Variants in PLXNA3 observed in about 807,000 individuals in gnomAD.
PLXNA3 encodes the protein plexin A3.
Under a neutral mutation model 118.8 loss-of-function variants are expected in PLXNA3, and 52 were observed. That is an observed-to-expected ratio of 0.44 (90% CI 0.35 to 0.55). PLXNA3 has a LOEUF of 0.55. PLXNA3 is among the 20% of genes least tolerant of loss of function. PLXNA3 has a pLI of 0.01. For synonymous variants in PLXNA3, 925 were observed against 762.4 expected, an observed-to-expected ratio of 1.21 and a Z score of -3.51; for missense variants, 1,660 against 1,730.8, an observed-to-expected ratio of 0.96 and a Z score of 0.73.
At position 154,463,995 on chromosome X, in the gene PLXNA3, G is replaced by C; in HGVS notation, c.1592G>C (p.Gly531Ala). 2 of 1,203,279 alleles carry C rather than the reference G, an allele frequency of 1.7e-6. No individual in the cohort carries two copies. The highest frequency in any genetic ancestry group is 2.2e-6 in the Non-Finnish European group (2 of 891,716). The change falls in exon 7 of 33, where the codon GGC (glycine) becomes GCC (alanine). Residue 531 changes from glycine to alanine, a missense_variant. By Grantham distance (60) the Gly-to-Ala change is moderately conservative. Around this residue, in one of 2 missense-constraint regions of PLXNA3, gnomAD observed 791 missense variants for 652.1 expected, o/e 1.21. Transcript: ENST00000369682. The part of the protein sequence containing the change: ...GACLGASAPH[G>A]FAEELSKCVQ... ...TGTCTGGGCGCCTCTGCCCCACACG[G>C]CTTTGCTGAGGAGCTGAGCAAGTGT... is the stretch of plus-strand genomic sequence containing the variant.
Position 154,461,190 on chromosome X carries a change from GCTTCGTCAGCGCCTC to G in PLXNA3, c.693_707del (p.Ser232_Val236del). 1.7e-6 allele frequency: 2 copies of G among 1,211,681 alleles called. No individual in the cohort carries two copies. The highest frequency in any genetic ancestry group is 2.2e-6 in the Non-Finnish European group (2 of 894,969). On this transcript the variant is annotated inframe_deletion, in exon 3 of 33. Coordinates refer to ENST00000369682, the MANE Select transcript of PLXNA3 (RefSeq NM_017514.5). ...GCCTTTGACATCTACTACATCTACG[GCTTCGTCAGCGCCTC>G]CTTCGTGTACTTCCTGACGCTGCAG...
At chrX:154,460,829 C>T (rs781910071) in intron 2 of PLXNA3, 52 bp downstream of exon 2, 9 of 887,148 alleles carry the variant, frequency 1.0e-5, no homozygotes, top group Non-Finnish European at 1.4e-5. Flanking sequence ...GCTCTGCCTC[C>T]CAGAAGAGCC....
intron 6 of PLXNA3, 37 bp from the exon 7 acceptor site, chrX:154,463,914 G>T: frequency 1.7e-6 from 2 of 1,151,495 alleles, no homozygotes; most frequent in Non-Finnish European, 2.3e-6. Context: ...CCCTCCCGGG[G>T]CAGTGGCGGG....
At position 154,460,765 on chromosome X, in the gene PLXNA3, C is replaced by G; in HGVS notation, c.582C>G (p.Asp194Glu). Residue 194 changes from aspartate (D) to glutamate (E), a missense_variant, in exon 2 of 33, where the codon GAC becomes GAG. Around this residue, in one of 2 missense-constraint regions of PLXNA3, gnomAD observed 791 missense variants for 652.1 expected, o/e 1.21. Transcript: ENST00000369682. Reference protein sequence around the residue: ...RKLISDEDSADMFSLVYQDEF... With the variant: ...RKLISDEDSAEMFSLVYQDEF... ...TCATCAGTGATGAAGACAGCGCGGA[C>G]ATGTTCAGTCTCGTGCGTGAGCCTT... 2 of 1,115,244 alleles carry G rather than the reference C, an allele frequency of 1.8e-6. No individual in the cohort carries two copies. Among genetic ancestry groups the G allele is most frequent in the Non-Finnish European group, 2.4e-6 (2 of 849,176 alleles). 91.9% of individuals were successfully genotyped at this position (1,115,244 alleles called of 1,213,427 possible).
rs1557205022 is a variant in PLXNA3 at position 154,462,274 on chromosome X, G to T, written c.1281G>T (p.Val427=). ...CCTACACCTACCGCCAGCACTCTGT[G>T]GTCTTCATTGGCACGCGCAGCGGCA... ...VAAYTYRQHS[V]VFIGTRSGSL... The change falls in exon 4 of 33, where the codon GTG becomes GTT. Residue 427 remains valine, a synonymous_variant. Transcript: ENST00000369682. The T allele has an allele frequency of 8.5e-7, 1 of 1,172,895 alleles. No homozygotes were observed. The highest frequency in any genetic ancestry group is 1.1e-6 in the Non-Finnish European group (1 of 874,931).
rs1603389744 is a variant in PLXNA3, at chrX:154,460,830, C to T, written c.594+53C>T. 9.0e-6 allele frequency: 8 copies of T among 890,272 alleles called. No individual in the cohort carries two copies. The East Asian group carries it at 2.2e-4, about 25-fold the overall frequency. The allele number at this position is 890,272 out of a possible 1,213,427, so 73.4% of individuals were successfully genotyped here. ...TCCACCCAGTCCTGGCTCTGCCTCC[C>T]AGAAGAGCCCTGTTCTTTCTGAGAG... is the stretch of plus-strand genomic sequence containing the variant. On this transcript the variant is annotated intron_variant, in intron 2 of 32. Coordinates refer to ENST00000369682, the MANE Select transcript of PLXNA3 (RefSeq NM_017514.5).
rs782609443 is a variant in PLXNA3 at position 154,465,217 on chromosome X, C to T, written c.2243C>T (p.Ser748Leu). 1.4e-5 allele frequency: 17 copies of T among 1,202,500 alleles called. No homozygotes were observed. The highest frequency in any genetic ancestry group is 3.0e-4 in the Middle Eastern group (1 of 3,338). ...NSSSVQCQNA[S>L]YSYEGDEHGD... ...AGCAGTGTGCAGTGCCAGAACGCCTCGGTGAGGTCCCACCCGCTGCCTCCC... is the reference window on the plus strand; with the variant it reads ...AGCAGTGTGCAGTGCCAGAACGCCTTGGTGAGGTCCCACCCGCTGCCTCCC... Residue 748 changes from serine (S) to leucine (L), a missense_variant and splice_region_variant, in exon 11 of 33, where the codon TCG (serine) becomes TTG (leucine). Physicochemically the swap from Ser to Leu is moderately radical, Grantham distance 145 (BLOSUM62 -2). Transcript: ENST00000369682.
chrX:154,466,143 G>A lies in PLXNA3; in HGVS notation c.2679-7G>A. 8.3e-7 allele frequency: 1 copy of A among 1,210,619 alleles called. No individual in the cohort carries two copies. The highest frequency in any genetic ancestry group is 1.8e-5 in the South Asian group (1 of 56,987). ...CCTGGCCGGCCCTGACGCTCTCTGA[G>A]CCCTAGGATCGTGTGTGAGATGGAG... On this transcript the variant is annotated splice_region_variant and splice_polypyrimidine_tract_variant and intron_variant, in intron 14 of 32. Coordinates refer to ENST00000369682, the MANE Select transcript of PLXNA3 (RefSeq NM_017514.5).
chrX:154,467,613 G>A lies in PLXNA3; in HGVS notation c.3510G>A (p.Gln1170=). Residue 1170 remains glutamine (Q), a synonymous_variant, in exon 20 of 33, where the codon CAG becomes CAA. Coordinates refer to ENST00000369682, the MANE Select transcript of PLXNA3 (RefSeq NM_017514.5). Reference sequence around the variant, plus strand: ...ACTACACTGTGCTGATAGGAGGCCAGCCGTGTTCGCTCACTGTCTCGGACA... The same window carrying A: ...ACTACACTGTGCTGATAGGAGGCCAACCGTGTTCGCTCACTGTCTCGGACA... The part of the protein sequence containing the change: ...RLNYTVLIGG[Q]PCSLTVSDTQ... 1 of 1,208,836 alleles carries A rather than the reference G, an allele frequency of 8.3e-7. No homozygotes were observed. Among genetic ancestry groups the A allele is most frequent in the Non-Finnish European group, 1.1e-6 (1 of 894,447 alleles).
At position 154,461,602 on chromosome X, in the gene PLXNA3, C is replaced by T. The variant is rs782760823; in HGVS notation, c.1098C>T (p.Pro366=). ...CYRGEGTLAL[P]WLLNKELPCI... ...GTGGGGAGGGCACTCTGGCTCTGCC[C>T]TGGCTGCTGAACAAGGAGCTGCCCT... Residue 366 remains proline, a synonymous_variant, in exon 3 of 33, where the codon CCC becomes CCT. Transcript: ENST00000369682. The T allele has an allele frequency of 1.8e-4, 214 of 1,200,235 alleles. 1 individual carries two copies. The Middle Eastern group carries it at 0.012, about 69-fold the overall frequency.
Position 154,472,766 on chromosome X carries a change from T to G in PLXNA3, c.*81T>G. Reference sequence around the variant, plus strand: ...GGGGAGTGGCTGGCTCAAGCCTGGGTCCCCGGGCTGAGCCCTGGATTGGGT... The same window carrying G: ...GGGGAGTGGCTGGCTCAAGCCTGGGGCCCCGGGCTGAGCCCTGGATTGGGT... On this transcript the variant is annotated 3_prime_UTR_variant, in exon 33 of 33. Transcript: ENST00000369682. 2.7e-6 allele frequency: 2 copies of G among 739,531 alleles called. No homozygotes were observed. Among genetic ancestry groups the G allele is most frequent in the Non-Finnish European group, 2.1e-6 (1 of 473,945 alleles). 60.9% of individuals were successfully genotyped at this position (739,531 alleles called of 1,213,427 possible). A position where few individuals can be genotyped will look rare whatever the true frequency, so the allele number is the denominator to read the frequency against.
rs782163370 is a variant in PLXNA3, at chrX:154,464,744, TC to T, written c.1929-3del. Reference sequence around the variant, plus strand: ...CTCCTCTGTTATTTCTGAAGCCACTTCCCCCCCAGGTGCATGTCCTGTGTTG... The same window carrying T: ...CTCCTCTGTTATTTCTGAAGCCACTTCCCCCCAGGTGCATGTCCTGTGTTG... On this transcript the variant is annotated splice_polypyrimidine_tract_variant and intron_variant, in intron 9 of 32. Coordinates refer to ENST00000369682, the MANE Select transcript of PLXNA3 (RefSeq NM_017514.5). 1.9e-5 allele frequency: 21 copies of T among 1,113,558 alleles called. No homozygotes were observed. Among genetic ancestry groups the T allele is most frequent in the East Asian group, 3.2e-5 (1 of 31,523 alleles). 91.8% of individuals were successfully genotyped at this position (1,113,558 alleles called of 1,213,427 possible). A position where few individuals can be genotyped will look rare whatever the true frequency, so the allele number is the denominator to read the frequency against.
chrX:154,467,771 T>C lies in PLXNA3; in HGVS notation c.3590T>C (p.Leu1197Pro). ...ACCTCAGGCCTGTCCCCACAGGTGC[T>C]GGTGGGTGGCCTGGAGTTCTGGCTG... ...SQTGRQPVMV[L>P]VGGLEFWLGT... Residue 1197 changes from leucine (L) to proline (P), a missense_variant, in exon 21 of 33, where the codon CTG (leucine) becomes CCG (proline). Physicochemically the swap from Leu to Pro is moderately conservative, Grantham distance 98. Coordinates refer to ENST00000369682, the MANE Select transcript of PLXNA3 (RefSeq NM_017514.5). 1 of 1,200,617 alleles carries C rather than the reference T, an allele frequency of 8.3e-7. No individual in the cohort carries two copies. Among genetic ancestry groups the C allele is most frequent in the Non-Finnish European group, 1.1e-6 (1 of 892,309 alleles).
chrX:154,465,911 C>T (rs781809354), intron 13 of PLXNA3, 24 bp from the exon 14 acceptor site: 2 of 1,211,603 alleles, frequency 1.7e-6, no homozygotes, highest in South Asian at 3.5e-5. Context: ...AGCCAACTCT[C>T]TCACTGCCCA....
rs145756790 is a variant in PLXNA3 at position 154,462,307 on chromosome X, G to C, written c.1314G>C (p.Lys438Asn). Residue 438 changes from lysine to asparagine, a missense_variant, in exon 4 of 33, where the codon AAG becomes AAC. By Grantham distance (94) the Lys-to-Asn change is moderately conservative. This residue lies in a region of PLXNA3 where 791 missense variants were observed against 652.1 expected (regional missense o/e 1.21). Coordinates refer to ENST00000369682, the MANE Select transcript of PLXNA3 (RefSeq NM_017514.5). ...TTGGCACGCGCAGCGGCAGCTTGAA[G>C]AAGGTGGCCCCCAGAGCCCTGGGCA... Reference protein sequence around the residue: ...VFIGTRSGSLKKVRVDGFQDA... With the variant: ...VFIGTRSGSLNKVRVDGFQDA... 1.2e-4 allele frequency: 133 copies of C among 1,147,355 alleles called. 1 individual carries two copies. In the African/African-American group the frequency reaches 2.2e-3, roughly 19 times the overall value. The allele number at this position is 1,147,355 out of a possible 1,213,427, so 94.6% of individuals were successfully genotyped here. A position where few individuals can be genotyped will look rare whatever the true frequency, so the allele number is the denominator to read the frequency against.
In PLXNA3 at chrX:154,465,784, G is replaced by A. The variant is rs145475407; in HGVS notation, c.2469G>A (p.Pro823=). Residue 823 remains proline, a synonymous_variant, in exon 13 of 33, where the codon CCG becomes CCA. Coordinates refer to ENST00000369682, the MANE Select transcript of PLXNA3 (RefSeq NM_017514.5). ...RCQLRTHCPA[P]KTNWMHLSQK... is the part of the protein sequence containing the mutation. ...AGCTGCGGACCCACTGCCCGGCCCC[G>A]AAGACCAACTGGATGCACCTGAGCC... 1.3e-3 allele frequency: 1,622 copies of A among 1,207,905 alleles called. 2 individuals carry two copies. Among genetic ancestry groups the A allele is most frequent in the Non-Finnish European group, 1.7e-3 (1,482 of 894,356 alleles).
chrX:154,472,763 G>C lies in PLXNA3; in HGVS notation c.*78G>C, dbSNP rs1344980011. ...CCAGGGGAGTGGCTGGCTCAAGCCT[G>C]GGTCCCCGGGCTGAGCCCTGGATTG... is the stretch of plus-strand genomic sequence containing the variant. On this transcript the variant is annotated 3_prime_UTR_variant, in exon 33 of 33. Coordinates refer to ENST00000369682, the MANE Select transcript of PLXNA3 (RefSeq NM_017514.5). 2 of 764,056 alleles carry C rather than the reference G, an allele frequency of 2.6e-6. No individual in the cohort carries two copies. The highest frequency in any genetic ancestry group is 4.0e-6 in the Non-Finnish European group (2 of 495,039). The allele number at this position is 764,056 out of a possible 1,213,427, so 63.0% of individuals were successfully genotyped here.
rs909570471 is a variant in PLXNA3, at chrX:154,472,986, G to T, written c.*301G>T. 1.7e-5 allele frequency: 4 copies of T among 235,423 alleles called. No individual in the cohort carries two copies. Among genetic ancestry groups the T allele is most frequent in the Non-Finnish European group, 3.1e-5 (4 of 127,969 alleles). 19.4% of individuals were successfully genotyped at this position (235,423 alleles called of 1,213,427 possible). ...CCCTCCCTGCTATTTATATCCCTCTGCCTATTTATTGAATCGAACTTCGCC... is the reference window on the plus strand; with the variant it reads ...CCCTCCCTGCTATTTATATCCCTCTTCCTATTTATTGAATCGAACTTCGCC... On this transcript the variant is annotated 3_prime_UTR_variant, in exon 33 of 33. Coordinates refer to ENST00000369682, the MANE Select transcript of PLXNA3 (RefSeq NM_017514.5).
At chrX:154,467,205 C>T (rs781926456) in intron 18 of PLXNA3, 27 bp from the exon 19 acceptor site, 1 of 1,209,749 alleles carries the variant, frequency 8.3e-7, no homozygotes, top group Non-Finnish European at 1.1e-6. Context: ...GCTTCACGTG[C>T]CTGGCTGTCC....
Sources: allele counts gnomAD v4.1 joint callset, GRCh38; gene constraint gnomAD v4.1.1; regional missense constraint gnomAD v4.1.1; transcripts MANE v1.5; gene names NCBI Gene and HGNC (gene_info 2026-07-23, HGNC 2026-07-21).